The following CYP4F12 variants were observed in gnomAD, a reference collection of about 807,000 sequenced individuals.
The protein encoded by CYP4F12 is cytochrome P450 4F12.
A neutral mutation model predicts 56.5 loss-of-function variants in CYP4F12; 60 were observed. The observed-to-expected ratio is 1.06, with a 90% CI of 0.86 to 1.32. The LOEUF is 1.32. Among genes scored for constraint, CYP4F12 ranks in the 40% most tolerant of loss-of-function variants. CYP4F12 has a pLI of 0.00. For synonymous variants in CYP4F12, 263 were observed against 264.9 expected, an observed-to-expected ratio of 0.99 and a Z score of 0.07; for missense variants, 711 against 683.5, an observed-to-expected ratio of 1.04 and a Z score of -0.45.
At chr19:15,682,547 G>T in intron 6 of CYP4F12, 37 bp downstream of exon 6, 1 of 1,609,740 alleles carries the variant, frequency 6.2e-7, no homozygotes, top group African/African-American at 1.3e-5. Context: ...ATGAATCCAT[G>T]GACCAAAGGG....
rs183319088 is a variant in CYP4F12, at chr19:15,696,125, G to A, written c.1250-36G>A. ...CGGGTAGGAAGATGGTTCCCTCAGG[G>A]GATCCTTGTCCTGACTGCCCCTTTC... On this transcript the variant is annotated intron_variant, in intron 10 of 12. Transcript: ENST00000550308. The A allele has an allele frequency of 6.2e-4, 1,001 of 1,611,658 alleles. 6 individuals are homozygous for A. In the African/African-American group the frequency reaches 0.012, roughly 19 times the overall value.
chr19:15,683,695 G>T lies in CYP4F12; in HGVS notation c.850G>T (p.Asp284Tyr), dbSNP rs2007444321. ...TCGCACCCTCCCCACTCAGGGTATT[G>T]ATGATTTTTTCAAAGACAAAGCCAA... ...RRRTLPTQGI[D>Y]DFFKDKAKSK... is the part of the protein sequence containing the mutation. Residue 284 changes from aspartate (D) to tyrosine (Y), a missense_variant, in exon 7 of 13, where the codon GAT becomes TAT. By Grantham distance (160) the Asp-to-Tyr change is radical (BLOSUM62 -3). Coordinates refer to ENST00000550308, the MANE Select transcript of CYP4F12 (RefSeq NM_023944.4). 1 of 1,607,900 alleles carries T rather than the reference G, an allele frequency of 6.2e-7. No homozygotes were observed. Among genetic ancestry groups the T allele is most frequent in the African/African-American group, 1.3e-5 (1 of 74,688 alleles).
intron 3 of CYP4F12, among the ~76,000 whole-genome samples, chr19:15,678,980 C>T (rs1367852066): frequency 6.6e-6 from 1 of 152,192 alleles, no homozygotes. Flanking sequence ...CATCCTATCA[C>T]TCATCCACCC....
intron 12 of CYP4F12, 66 bp downstream of exon 12, chr19:15,696,578 G>A: frequency 3.3e-6 from 5 of 1,509,748 alleles, no homozygotes; most frequent in Non-Finnish European, 3.6e-6. Context: ...AAAGGGGGAC[G>A]TTGCAGATGG....
Position 15,673,727 on chromosome 19 carries a change from G to A in CYP4F12, c.198G>A (p.Leu66=). 6.2e-7 allele frequency: 1 copy of A among 1,613,944 alleles called. No individual in the cohort carries two copies. Among genetic ancestry groups the A allele is most frequent in the Non-Finnish European group, 8.5e-7 (1 of 1,179,958 alleles). The change falls in exon 2 of 13, where the codon CTG becomes CTA. Residue 66 remains leucine (L), a splice_region_variant and synonymous_variant. Transcript: ENST00000550308. ...KRNWFWGHLG[L]ITPTEEGLKN... ...ACTGGTTTTGGGGTCACCTGGGCCT[G>A]GTGAGTGTGACAGCAAAATGTGTCT... is the stretch of plus-strand genomic sequence containing the variant.
chr19:15,685,117 G>A lies in CYP4F12; in HGVS notation c.1035G>A (p.Ala345=), dbSNP rs753117286. The A allele has an allele frequency of 3.1e-6, 5 of 1,614,162 alleles. No individual in the cohort carries two copies. Among genetic ancestry groups the A allele is most frequent in the Non-Finnish European group, 4.2e-6 (5 of 1,180,026 alleles). ...TCTCCTGGGTCCTGTACAACCTTGC[G>A]AGGCACCCAGAATACCAGGAGCGCT... ...SGLSWVLYNL[A]RHPEYQERCR... is the part of the protein sequence containing the mutation. The change falls in exon 9 of 13, where the codon GCG becomes GCA. Residue 345 remains alanine, a synonymous_variant. Coordinates refer to ENST00000550308, the MANE Select transcript of CYP4F12 (RefSeq NM_023944.4).
In CYP4F12 at chr19:15,696,004, C is replaced by G. The variant is rs889509428; in HGVS notation, c.1184C>G (p.Ala395Gly). ...VKESLRLHPP[A>G]PFISRCCTQD... is the part of the protein sequence containing the mutation. ...GAGAGCCTGAGGTTACATCCCCCAG[C>G]TCCCTTCATCTCCCGATGCTGCACC... Residue 395 changes from alanine (A) to glycine (G), a missense_variant, in exon 10 of 13, where the codon GCT becomes GGT. Transcript: ENST00000550308. The G allele has an allele frequency of 6.2e-7, 1 of 1,614,046 alleles. No individual in the cohort carries two copies. The highest frequency in any genetic ancestry group is 8.5e-7 in the Non-Finnish European group (1 of 1,179,962).
At chr19:15,694,276 G>C (rs995348384) in intron 9 of CYP4F12, among the ~76,000 whole-genome samples, 5 of 151,972 alleles carry the variant, frequency 3.3e-5, no homozygotes, top group African/African-American at 1.2e-4. Flanking sequence ...AAATTATCTT[G>C]GGCAGTATGG....
intron 9 of CYP4F12, among the ~76,000 whole-genome samples, chr19:15,686,710 T>G (rs1599980805): frequency 6.6e-6 from 1 of 151,886 alleles, no homozygotes; most frequent in African/African-American, 2.4e-5. Flanking sequence ...GAGGGGCAGG[T>G]CATATCTGGG....
intron 9 of CYP4F12, among the ~76,000 whole-genome samples, chr19:15,692,115 C>T (rs1392612289): frequency 3.9e-5 from 6 of 152,228 alleles, no homozygotes; most frequent in African/African-American, 9.6e-5. Context: ...CCCTCCACCA[C>T]GCCTGGCTAA....
intron 9 of CYP4F12, among the ~76,000 whole-genome samples, chr19:15,691,157 AT>A (rs766009212): frequency 9.8e-5 from 15 of 152,304 alleles, no homozygotes; most frequent in Non-Finnish European, 1.6e-4. Context: ...TCTGGTCTGC[AT>A]TGTGTGACAG....
chr19:15,691,187 T>C (rs1244271395), intron 9 of CYP4F12, among the ~76,000 whole-genome samples: 3 of 152,248 alleles, frequency 2.0e-5, no homozygotes, highest in Non-Finnish European at 4.4e-5. Context: ...ATCCTTTTTT[T>C]CTCCTTTTGT....
At chr19:15,678,160 G>C (rs2007085416) in intron 2 of CYP4F12, 101 bp from the exon 3 acceptor site, 15 of 1,446,788 alleles carry the variant, frequency 1.0e-5, no homozygotes, top group East Asian at 9.1e-5. Context: ...GACACACACA[G>C]CAATAATGTT....
chr19:15,683,500 A>G lies in CYP4F12; in HGVS notation c.655A>G (p.Ser219Gly), dbSNP rs759321683. The change falls in exon 7 of 13, where the codon AGT becomes GGT. Residue 219 changes from serine (S) to glycine (G), a missense_variant. By Grantham distance (56) the Ser-to-Gly change is moderately conservative. Coordinates refer to ENST00000550308, the MANE Select transcript of CYP4F12 (RefSeq NM_023944.4). Reference sequence around the variant, plus strand: ...TCTGCCCTTGCTCTGCAGGAGGCCCAGTGAATATATTGCCACCATCTTGGA... The same window carrying G: ...TCTGCCCTTGCTCTGCAGGAGGCCCGGTGAATATATTGCCACCATCTTGGA... ...SFDSHCQERP[S>G]EYIATILELS... The G allele has an allele frequency of 6.2e-7, 1 of 1,600,676 alleles. No individual in the cohort carries two copies. Among genetic ancestry groups the G allele is most frequent in the Non-Finnish European group, 8.5e-7 (1 of 1,173,466 alleles).
At chr19:15,689,395 T>G (rs981836338) in intron 9 of CYP4F12, among the ~76,000 whole-genome samples, 1 of 152,150 alleles carries the variant, frequency 6.6e-6, no homozygotes, top group Non-Finnish European at 1.5e-5. Flanking sequence ...ATATGCAAAT[T>G]AAAACCACAA....
chr19:15,693,560 T>C (rs962762334), intron 9 of CYP4F12, among the ~76,000 whole-genome samples: 1 of 148,704 alleles, frequency 6.7e-6, no homozygotes, highest in South Asian at 2.1e-4. Flanking sequence ...GTAAATTTGT[T>C]TGACTTCATT....
At chr19:15,682,304 G>T in intron 5 of CYP4F12, 85 bp from the exon 6 acceptor site, 1 of 1,557,610 alleles carries the variant, frequency 6.4e-7, no homozygotes, top group Non-Finnish European at 8.7e-7. Flanking sequence ...GCTGGTTGTG[G>T]GGGAGTCCAT....
chr19:15,680,310 A>G lies in CYP4F12; in HGVS notation c.397+13A>G. ...AAGCCCTGGCTGGGTGAGTACCTGC[A>G]GGTGAAAGGGGTTGGGGACAACCTT... On this transcript the variant is annotated intron_variant, in intron 4 of 12. Coordinates refer to ENST00000550308, the MANE Select transcript of CYP4F12 (RefSeq NM_023944.4). The G allele has an allele frequency of 1.9e-6, 3 of 1,612,896 alleles. No homozygotes were observed. Among genetic ancestry groups the G allele is most frequent in the Non-Finnish European group, 2.5e-6 (3 of 1,179,262 alleles).
chr19:15,695,068 C>T (rs553188603), intron 9 of CYP4F12, among the ~76,000 whole-genome samples: 2,689 of 151,848 alleles, frequency 0.018, 2 homozygotes, highest in African/African-American at 0.063. Flanking sequence ...TTTATTGCGG[C>T]ACTATTCACA....
Sources: gnomAD v4.1 joint callset for allele counts (sites outside exome capture counted in the v4.1 genomes callset) on GRCh38, gnomAD v4.1.1 for gene constraint, MANE v1.5 for transcripts, NCBI Gene and HGNC (gene_info 2026-07-23, HGNC 2026-07-21) for gene names.